Variants in CEP350 observed in about 807,000 individuals in gnomAD.
CEP350 encodes centrosomal protein 350.
A neutral mutation model predicts 331.8 loss-of-function variants in CEP350; 126 were observed. The ratio of observed to expected loss-of-function variants is 0.38; its 90% CI spans 0.33 to 0.44. The LOEUF (loss-of-function observed/expected upper bound fraction) is 0.44. Among genes scored for constraint, CEP350 ranks in the 20% least tolerant of loss-of-function variants. CEP350 has a pLI of 1.00. For synonymous variants in CEP350, 1,200 were observed against 1,259.5 expected (o/e 0.95, Z 1.00); for missense variants, 3,406 against 3,634.6 (o/e 0.94, Z 1.62).
chr1:180,045,381 G>T (rs1431567452), intron 21 of CEP350, among the ~76,000 whole-genome samples: 5 of 152,044 alleles, frequency 3.3e-5, no homozygotes, highest in African/African-American at 1.2e-4. Flanking sequence ...TTGGTAGTTG[G>T]TGTGATATGA....
intron 8 of CEP350, among the ~76,000 whole-genome samples, chr1:180,008,142 A>G (rs1220282621): frequency 6.6e-6 from 1 of 152,144 alleles, no homozygotes; most frequent in African/African-American, 2.4e-5. Flanking sequence ...CTCAAAAGAG[A>G]ATAAATGTTG....
At chr1:180,065,296 CTT>C (rs139704987) in intron 27 of CEP350, 24 bp downstream of exon 27, 169,982 of 1,589,278 alleles carry the variant, frequency 0.11, 10,076 homozygotes, top group Middle Eastern at 0.12. Flanking sequence ...ATAAATATCT[CTT>C]GTTTAGTTAC....
At chr1:180,055,522 A>C (rs535827830) in intron 25 of CEP350, among the ~76,000 whole-genome samples, 1 of 146,434 alleles carries the variant, frequency 6.8e-6, no homozygotes, top group South Asian at 2.2e-4. Flanking sequence ...GATAATATGA[A>C]TTTGAATAAA....
intron 1 of CEP350, among the ~76,000 whole-genome samples, chr1:179,957,546 C>T (rs1650257978): frequency 6.6e-6 from 1 of 152,132 alleles, no homozygotes; most frequent in Admixed American, 6.5e-5. Flanking sequence ...GCACCCAGTG[C>T]CTAGCATATG....
In CEP350 at chr1:180,096,071, G is replaced by A; in HGVS notation, c.8953G>A (p.Glu2985Lys). Residue 2985 changes from glutamate (E) to lysine (K), a missense_variant, in exon 36 of 38, where the codon GAA becomes AAA. Physicochemically the swap from Glu to Lys is moderately conservative, Grantham distance 56. Coordinates refer to ENST00000367607, the MANE Select transcript of CEP350 (RefSeq NM_014810.5). ...VFDLTKEIFE[E>K]IFAEDPNLNQ... ...TGATTTAACAAAAGAGATTTTTGAG[G>A]AAATATTTGCTGAGGATCCCAACTT... The A allele has an allele frequency of 6.4e-7, 1 of 1,553,230 alleles. No homozygotes were observed. The highest frequency in any genetic ancestry group is 8.7e-7 in the Non-Finnish European group (1 of 1,147,610).
intron 12 of CEP350, 95 bp downstream of exon 12, chr1:180,021,104 G>A (rs185651810): frequency 2.2e-5 from 25 of 1,136,612 alleles, no homozygotes; most frequent in East Asian, 5.3e-5. Context: ...CACATTTTTC[G>A]TTGAGTGGAT....
intron 1 of CEP350, among the ~76,000 whole-genome samples, chr1:179,967,338 C>T (rs1400126370): frequency 6.6e-6 from 1 of 152,000 alleles, no homozygotes; most frequent in African/African-American, 2.4e-5. Context: ...AATTGTGGCA[C>T]CCTCCTTTTT....
chr1:180,064,983 C>A, intron 26 of CEP350, 132 bp from the exon 27 acceptor site: 1 of 959,010 alleles, frequency 1.0e-6, no homozygotes, highest in Non-Finnish European at 1.4e-6. Context: ...ATATTTTGTC[C>A]TTTATTATCT....
chr1:180,014,293 G>C lies in CEP350; in HGVS notation c.1840G>C (p.Glu614Gln), dbSNP rs1157104797. 1.9e-6 allele frequency: 3 copies of C among 1,597,372 alleles called. No individual in the cohort carries two copies. Among genetic ancestry groups the C allele is most frequent in the Non-Finnish European group, 2.6e-6 (3 of 1,171,672 alleles). Residue 614 changes from glutamate to glutamine, a missense_variant, in exon 10 of 38, where the codon GAG (glutamate) becomes CAG (glutamine). Glu to Gln is a conservative substitution (Grantham distance 29, BLOSUM62 2). Transcript: ENST00000367607. Reference sequence around the variant, plus strand: ...GGAAAGGAAGAGAAAGCAAAATGAAGAGAAGAAGGCTCAAAAGGAGGCTAC... The same window carrying C: ...GGAAAGGAAGAGAAAGCAAAATGAACAGAAGAAGGCTCAAAAGGAGGCTAC... ...QEERKRKQNEEKKAQKEATEQ... is the reference protein window; with the variant it reads ...QEERKRKQNEQKKAQKEATEQ...
intron 14 of CEP350, among the ~76,000 whole-genome samples, chr1:180,028,727 C>G (rs1259124571): frequency 3.3e-5 from 5 of 151,948 alleles, no homozygotes; most frequent in African/African-American, 9.7e-5. Context: ...TCAGTTGAGT[C>G]CCCAAAGTTG....
At chr1:179,990,958 T>A (rs892614822) in intron 4 of CEP350, among the ~76,000 whole-genome samples, 31 of 152,184 alleles carry the variant, frequency 2.0e-4, no homozygotes, top group Non-Finnish European at 3.2e-4. Flanking sequence ...GCATTTAATT[T>A]TTTTCCTTTG....
chr1:179,970,562 A>G (rs1053210638), intron 1 of CEP350, among the ~76,000 whole-genome samples: 1 of 152,224 alleles, frequency 6.6e-6, no homozygotes, highest in African/African-American at 2.4e-5. Flanking sequence ...TTAACCTATC[A>G]TAGATCTGAT....
At chr1:180,078,915 A>G (rs902336636) in intron 29 of CEP350, among the ~76,000 whole-genome samples, 4 of 152,188 alleles carry the variant, frequency 2.6e-5, no homozygotes, top group African/African-American at 9.6e-5. Context: ...AGGAACTTCT[A>G]AAGTCTTTAT....
chr1:180,092,469 A>G (rs1660254429), intron 33 of CEP350, 145 bp from the exon 34 acceptor site: 1 of 490,758 alleles, frequency 2.0e-6, no homozygotes, highest in Non-Finnish European at 3.6e-6. Flanking sequence ...TAAAAGAAAA[A>G]CTTATAAAGT....
Position 180,015,973 on chromosome 1 carries a change from A to T in CEP350, c.2174+3A>T, listed in dbSNP as rs1184985811. The stretch of plus-strand genomic sequence containing the variant: ...GAACCTCCACAGCCTCTTGCAAGGT[A>T]AAAAGGGAAGAATGAAAGATGATTA... On this transcript the variant is annotated splice_donor_region_variant and intron_variant, in intron 11 of 37. Coordinates refer to ENST00000367607, the MANE Select transcript of CEP350 (RefSeq NM_014810.5). The T allele has an allele frequency of 6.2e-7, 1 of 1,612,930 alleles. No individual in the cohort carries two copies. The highest frequency in any genetic ancestry group is 2.2e-5 in the East Asian group (1 of 44,846).
intron 36 of CEP350, among the ~76,000 whole-genome samples, chr1:180,097,662 A>G (rs879768042): frequency 1.2e-4 from 18 of 152,358 alleles, no homozygotes; most frequent in Middle Eastern, 3.4e-3. Context: ...ATGCATCAAT[A>G]TAGCATACAA....
chr1:179,973,960 G>A (rs902345300), intron 1 of CEP350, among the ~76,000 whole-genome samples: 12 of 151,662 alleles, frequency 7.9e-5, no homozygotes, highest in African/African-American at 2.7e-4. Flanking sequence ...GTTTCTTAAC[G>A]CTTCTGTTGA....
At chr1:180,070,879 G>A (rs763162489) in intron 27 of CEP350, among the ~76,000 whole-genome samples, 13 of 152,314 alleles carry the variant, frequency 8.5e-5, no homozygotes, top group East Asian at 3.9e-4. Context: ...GCCAGGTGCC[G>A]TGGCTCACGC....
At chr1:180,103,585 G>A (rs569018875) in intron 37 of CEP350, among the ~76,000 whole-genome samples, 8 of 152,176 alleles carry the variant, frequency 5.3e-5, no homozygotes, top group Middle Eastern at 3.4e-3. Flanking sequence ...GTGTGTGTGC[G>A]TGTATTCTGT....
Sources: gnomAD v4.1 joint callset for allele counts (sites outside exome capture counted in the v4.1 genomes callset) on GRCh38, gnomAD v4.1.1 for gene constraint, MANE v1.5 for transcripts, NCBI Gene and HGNC (gene_info 2026-07-23, HGNC 2026-07-21) for gene names.